CDH8: variants seen among roughly 807,000 people sequenced by gnomAD.
CDH8 encodes the protein cadherin-8.
Under a neutral mutation model 68.1 loss-of-function variants are expected in CDH8, and 17 were observed. The observed-to-expected ratio is 0.25, with a 90% confidence interval of 0.17 to 0.37. The LOEUF (loss-of-function observed/expected upper bound fraction) is 0.37. Ranked by LOEUF, CDH8 falls within the 10% of genes least tolerant of loss-of-function variation. The pLI is 1.00. For missense variants in CDH8, 763 were observed against 999.3 expected (o/e 0.76, Z 3.19); for synonymous variants, 372 against 365.1 (o/e 1.02, Z -0.21).
At chr16:61,797,726 C>A (rs546082646) in intron 7 of CDH8, among the ~76,000 whole-genome samples, 1 of 152,134 alleles carries the variant, frequency 6.6e-6, no homozygotes, top group Non-Finnish European at 1.5e-5. Flanking sequence ...AAAATAACAA[C>A]AAACATATTT....
intron 3 of CDH8, among the ~76,000 whole-genome samples, chr16:61,888,028 G>T (rs115444998): frequency 1.3e-5 from 2 of 152,110 alleles, no homozygotes; most frequent in African/African-American, 4.8e-5. Context: ...GGCATGAGAC[G>T]TTGGAAGCAG....
intron 10 of CDH8, among the ~76,000 whole-genome samples, chr16:61,673,485 C>T (rs1430583966): frequency 2.6e-5 from 4 of 152,044 alleles, no homozygotes; most frequent in Non-Finnish European, 4.4e-5. Context: ...ACAGCATTTC[C>T]CCTTCCAAAT....
At chr16:61,724,541 C>T (rs1265512620) in intron 9 of CDH8, among the ~76,000 whole-genome samples, 1 of 150,522 alleles carries the variant, frequency 6.6e-6, no homozygotes, top group Non-Finnish European at 1.5e-5. Flanking sequence ...TTTCCAGCTA[C>T]ACCATCTCCC....
chr16:61,903,090 G>A (rs1964005529), intron 2 of CDH8, among the ~76,000 whole-genome samples: 1 of 152,016 alleles, frequency 6.6e-6, no homozygotes, highest in African/African-American at 2.4e-5. Flanking sequence ...GACACAGAAG[G>A]GATCAGTATG....
intron 10 of CDH8, among the ~76,000 whole-genome samples, chr16:61,670,896 G>A (rs545390130): frequency 6.6e-6 from 1 of 152,112 alleles, no homozygotes; most frequent in African/African-American, 2.4e-5. Context: ...ACAGTTCTCA[G>A]AACAGTGCAC....
At chr16:62,016,993 C>A (rs1901957435) in intron 2 of CDH8, among the ~76,000 whole-genome samples, 1 of 152,074 alleles carries the variant, frequency 6.6e-6, no homozygotes, top group South Asian at 2.1e-4. Flanking sequence ...TGTTAACTAC[C>A]CAGGTGGTCT....
intron 2 of CDH8, among the ~76,000 whole-genome samples, chr16:61,921,201 A>G (rs927548084): frequency 1.3e-5 from 2 of 151,470 alleles, no homozygotes; most frequent in African/African-American, 4.9e-5. Flanking sequence ...ACATGTATAC[A>G]TATGTAACTA....
chr16:62,013,867 G>A (rs902604767), intron 2 of CDH8, among the ~76,000 whole-genome samples: 14 of 152,090 alleles, frequency 9.2e-5, no homozygotes, highest in Non-Finnish European at 2.1e-4. Context: ...TGTGTCATCC[G>A]TAAACATATG....
intron 11 of CDH8, 55 bp downstream of exon 11, chr16:61,655,402 TGTCCTTATTTACA>T (rs1963419683): frequency 2.0e-6 from 3 of 1,466,246 alleles, no homozygotes; most frequent in Non-Finnish European, 2.8e-6. Context: ...CAGAGTTTTC[TGTCCTTATTTACA>T]GTCATTTATG....
chr16:61,985,921 T>C (rs1224510478), intron 2 of CDH8, among the ~76,000 whole-genome samples: 7 of 27,688 alleles, frequency 2.5e-4, no homozygotes, highest in African/African-American at 6.2e-4. Flanking sequence ...TTCTTTACTT[T>C]TTTTTTTTTT....
At chr16:61,696,988 C>T (rs773174158) in intron 10 of CDH8, among the ~76,000 whole-genome samples, 13 of 152,106 alleles carry the variant, frequency 8.5e-5, no homozygotes, top group Non-Finnish European at 1.6e-4. Flanking sequence ...CTCTCAGGTA[C>T]CATGCTCATT....
chr16:61,861,680 C>T (rs1380272676), intron 3 of CDH8, among the ~76,000 whole-genome samples: 1 of 152,186 alleles, frequency 6.6e-6, no homozygotes, highest in East Asian at 1.9e-4. Flanking sequence ...TGTCTTCAAC[C>T]AGAACATTTC....
chr16:61,723,908 CA>C (rs1959266248), intron 9 of CDH8, among the ~76,000 whole-genome samples: 1 of 150,660 alleles, frequency 6.6e-6, no homozygotes, highest in Non-Finnish European at 1.5e-5. Context: ...TAGACTATAT[CA>C]CCACTGAATT....
At chr16:61,968,641 A>T in intron 2 of CDH8, among the ~76,000 whole-genome samples, 1 of 152,262 alleles carries the variant, frequency 6.6e-6, no homozygotes, top group East Asian at 1.9e-4. Context: ...AATTTAATAA[A>T]TGAGGCATCG....
intron 4 of CDH8, among the ~76,000 whole-genome samples, chr16:61,849,915 C>T (rs1031833431): frequency 2.6e-5 from 4 of 152,054 alleles, no homozygotes; most frequent in African/African-American, 9.7e-5. Flanking sequence ...TAGTGATATC[C>T]TTAATTTGTG....
intron 2 of CDH8, among the ~76,000 whole-genome samples, chr16:61,954,480 T>A (rs1025908282): frequency 1.3e-4 from 20 of 151,948 alleles, no homozygotes; most frequent in Admixed American, 2.0e-4. Context: ...GGCGGGTGGA[T>A]CACAAGGTCA....
chr16:61,849,340 G>A (rs1962892776), intron 4 of CDH8, among the ~76,000 whole-genome samples: 1 of 151,782 alleles, frequency 6.6e-6, no homozygotes, highest in Non-Finnish European at 1.5e-5. Flanking sequence ...AAAGGAAATT[G>A]GATGAAGAGT....
intron 8 of CDH8, among the ~76,000 whole-genome samples, chr16:61,742,757 A>ATTC (rs1959911150): frequency 6.6e-6 from 1 of 152,152 alleles, no homozygotes. Context: ...CAGGCTGTTA[A>ATTC]TTCTCCTATC....
intron 10 of CDH8, among the ~76,000 whole-genome samples, chr16:61,681,601 C>T (rs1964013472): frequency 6.6e-6 from 1 of 150,766 alleles, no homozygotes; most frequent in South Asian, 2.1e-4. Context: ...TTACATGGTG[C>T]TGATGGTTGC....
Sources: gnomAD v4.1 joint callset for allele counts (sites outside exome capture counted in the v4.1 genomes callset) on GRCh38, gnomAD v4.1.1 for gene constraint, MANE v1.5 for transcripts, NCBI Gene and HGNC (gene_info 2026-07-23, HGNC 2026-07-21) for gene names.